Variants in EVA1C observed in about 807,000 individuals in gnomAD.
EVA1C encodes the protein eva-1 homolog C.
EVA1C carries 25 observed loss-of-function variants against 45.4 expected under a neutral mutation model. That is an observed-to-expected ratio of 0.55 (90% CI 0.40 to 0.77). The LOEUF is 0.77. Ranked by LOEUF, EVA1C falls within the 30% of genes least tolerant of loss-of-function variation. The pLI is 0.00. For missense variants in EVA1C, 479 were observed against 554.8 expected (o/e 0.86, Z 1.37); for synonymous variants, 190 against 221.2 (o/e 0.86, Z 1.25).
chr21:32,451,799 T>G (rs2146243131), intron 1 of EVA1C, among the ~76,000 whole-genome samples: 1 of 152,314 alleles, frequency 6.6e-6, no homozygotes, highest in Non-Finnish European at 1.5e-5. Context: ...TTTCTTCTTA[T>G]AAGGACACCG....
chr21:32,424,118 T>C (rs2034397798), intron 1 of EVA1C, among the ~76,000 whole-genome samples: 2 of 152,222 alleles, frequency 1.3e-5, no homozygotes, highest in African/African-American at 4.8e-5. Context: ...CAAAGGCCCA[T>C]GCGATGCGTA....
At chr21:32,432,792 G>T (rs989783159) in intron 1 of EVA1C, among the ~76,000 whole-genome samples, 2 of 152,108 alleles carry the variant, frequency 1.3e-5, no homozygotes, top group Non-Finnish European at 2.9e-5. Context: ...GTGATCATAG[G>T]TCACTGCAGC....
chr21:32,489,068 G>A (rs2037070646), intron 4 of EVA1C, among the ~76,000 whole-genome samples: 1 of 152,168 alleles, frequency 6.6e-6, no homozygotes, highest in Non-Finnish European at 1.5e-5. Flanking sequence ...CTTTTTCATT[G>A]TGTTGATTGT....
At chr21:32,497,148 T>C (rs955814654) in intron 5 of EVA1C, 2 of 804,926 alleles carry the variant, frequency 2.5e-6, no homozygotes, top group African/African-American at 3.4e-5. Context: ...AAACAGGAAG[T>C]GGGAAAACTC....
At chr21:32,456,331 T>G (rs1386451350) in intron 2 of EVA1C, among the ~76,000 whole-genome samples, 1 of 152,180 alleles carries the variant, frequency 6.6e-6, no homozygotes, top group East Asian at 1.9e-4. Flanking sequence ...TCCCCCTCTC[T>G]GCATTTTCCA....
At chr21:32,445,864 A>G (rs945156532) in intron 1 of EVA1C, among the ~76,000 whole-genome samples, 2 of 152,194 alleles carry the variant, frequency 1.3e-5, no homozygotes, top group Non-Finnish European at 2.9e-5. Context: ...GCTGATACAC[A>G]GTGGGAGGAT....
intron 5 of EVA1C, among the ~76,000 whole-genome samples, chr21:32,496,030 C>A (rs1244242802): frequency 6.6e-6 from 1 of 152,222 alleles, no homozygotes; most frequent in Non-Finnish European, 1.5e-5. Context: ...TTACAGCATA[C>A]AAATCAGTGG....
At chr21:32,471,389 C>T (rs1408909912) in intron 4 of EVA1C, among the ~76,000 whole-genome samples, 10 of 150,468 alleles carry the variant, frequency 6.6e-5, no homozygotes, top group African/African-American at 2.0e-4. Flanking sequence ...TGCAGTGGCA[C>T]GATCTCGGCT....
chr21:32,496,240 T>C (rs2037348963), intron 5 of EVA1C, among the ~76,000 whole-genome samples: 1 of 152,208 alleles, frequency 6.6e-6, no homozygotes, highest in Non-Finnish European at 1.5e-5. Context: ...TTCCTAGAAA[T>C]GGAATCATAC....
In EVA1C at chr21:32,503,990, T is replaced by C; in HGVS notation, c.924T>C (p.Ser308=). The stretch of plus-strand genomic sequence containing the variant: ...AAGATGGAATTCTTGTTAGCAACTC[T>C]CTGGCAGCCTTTGCTTACATTAGAG... ...LRKDGILVSN[S]LAAFAYIRAH... The change falls in exon 7 of 8, where the codon TCT becomes TCC. Residue 308 remains serine (S), a synonymous_variant. Transcript: ENST00000300255. The C allele has an allele frequency of 6.2e-7, 1 of 1,611,468 alleles. No individual in the cohort carries two copies. Among genetic ancestry groups the C allele is most frequent in the Non-Finnish European group, 8.5e-7 (1 of 1,179,412 alleles).
chr21:32,495,808 G>C (rs778131280), intron 5 of EVA1C, among the ~76,000 whole-genome samples: 10 of 152,222 alleles, frequency 6.6e-5, no homozygotes, highest in Non-Finnish European at 1.5e-4. Flanking sequence ...TGAGGATACT[G>C]TGGATTTCCA....
chr21:32,496,690 C>T (rs2037362481), intron 5 of EVA1C: 3 of 573,808 alleles, frequency 5.2e-6, no homozygotes, highest in Non-Finnish European at 9.3e-6. Flanking sequence ...AACTTCAGGC[C>T]TCTTCATCAG....
At chr21:32,417,712 G>T (rs1445031430) in intron 1 of EVA1C, among the ~76,000 whole-genome samples, 4 of 152,150 alleles carry the variant, frequency 2.6e-5, no homozygotes, top group Non-Finnish European at 5.9e-5. Flanking sequence ...ACTCAGTATT[G>T]ATGGACACAG....
At chr21:32,499,301 G>A (rs1601035972) in intron 5 of EVA1C, among the ~76,000 whole-genome samples, 1 of 152,172 alleles carries the variant, frequency 6.6e-6, no homozygotes, top group Non-Finnish European at 1.5e-5. Context: ...AAATGAATGC[G>A]AGGTAATTAA....
Position 32,457,583 on chromosome 21 carries a change from C to T in EVA1C, c.358-14C>T. The T allele has an allele frequency of 6.2e-7, 1 of 1,614,088 alleles. No homozygotes were observed. Among genetic ancestry groups the T allele is most frequent in the Non-Finnish European group, 8.5e-7 (1 of 1,180,000 alleles). On this transcript the variant is annotated splice_polypyrimidine_tract_variant and intron_variant, in intron 2 of 7. Coordinates refer to ENST00000300255, the MANE Select transcript of EVA1C (RefSeq NM_058187.5). ...AGTTTTCAAGCCTGTCCCTTTTCTA[C>T]CCTCTCCTTCTAGAAGGTGCTGGAC...
At chr21:32,501,983 CTTT>C (rs1376963552) in intron 6 of EVA1C, among the ~76,000 whole-genome samples, 3 of 139,002 alleles carry the variant, frequency 2.2e-5, no homozygotes, top group Non-Finnish European at 4.7e-5. Flanking sequence ...CTCTCTCGCT[CTTT>C]TCTTTCTTTC....
chr21:32,497,225 A>C, intron 5 of EVA1C: 1 of 809,366 alleles, frequency 1.2e-6, no homozygotes, highest in Non-Finnish European at 2.2e-6. Context: ...CGTCCAGCAG[A>C]CTTTAATTTT....
chr21:32,513,028 C>T (rs2038008838), intron 7 of EVA1C, among the ~76,000 whole-genome samples: 2 of 150,362 alleles, frequency 1.3e-5, no homozygotes, highest in Admixed American at 6.7e-5. Flanking sequence ...ATAATACTTA[C>T]AATAATATAA....
At chr21:32,448,173 G>A (rs767742103) in intron 1 of EVA1C, among the ~76,000 whole-genome samples, 2 of 152,140 alleles carry the variant, frequency 1.3e-5, no homozygotes, top group Admixed American at 6.6e-5. Flanking sequence ...AATGGGGCAT[G>A]GGCAGGCACC....
Sources: gnomAD v4.1 joint callset for allele counts (sites outside exome capture counted in the v4.1 genomes callset) on GRCh38, gnomAD v4.1.1 for gene constraint, MANE v1.5 for transcripts, NCBI Gene and HGNC (gene_info 2026-07-23, HGNC 2026-07-21) for gene names.